The following NTN4 variants were observed in gnomAD, a reference collection of about 807,000 sequenced individuals.
NTN4 encodes netrin 4.
In NTN4, 32 loss-of-function variants were observed where a neutral mutation model predicts 73.6. That is an observed-to-expected ratio of 0.44 (90% CI 0.33 to 0.58). The LOEUF is 0.58. Among genes scored for constraint, NTN4 ranks in the 20% least tolerant of loss-of-function variants. The probability of loss-of-function intolerance (pLI) is 0.04; values close to 1 mark genes in which losing one functional copy is unlikely to be tolerated. For synonymous variants in NTN4, 258 were observed against 287.5 expected (o/e 0.90, Z 1.04); for missense variants, 654 against 798.3 (o/e 0.82, Z 2.18).
At chr12:95,733,190 T>A (rs76318579) in intron 3 of NTN4, among the ~76,000 whole-genome samples, 4,092 of 152,322 alleles carry the variant, frequency 0.027, 95 homozygotes, top group South Asian at 0.12. Context: ...TTACCATTCA[T>A]CACCCAACAG....
At chr12:95,729,194 G>C (rs2078717465) in intron 3 of NTN4, among the ~76,000 whole-genome samples, 1 of 151,476 alleles carries the variant, frequency 6.6e-6, no homozygotes, top group Admixed American at 6.6e-5. Flanking sequence ...TGTATGAAGT[G>C]CATAATGTTT....
intron 2 of NTN4, among the ~76,000 whole-genome samples, chr12:95,748,328 A>C (rs2078877575): frequency 6.6e-6 from 1 of 151,894 alleles, no homozygotes. Context: ...GCATTGAAAA[A>C]GTATTAAATA....
chr12:95,730,879 C>A (rs2078732258), intron 3 of NTN4, among the ~76,000 whole-genome samples: 1 of 152,118 alleles, frequency 6.6e-6, no homozygotes, highest in Non-Finnish European at 1.5e-5. Context: ...ACCTATTCCT[C>A]CAGATCCTAA....
chr12:95,733,490 T>G lies in NTN4; in HGVS notation c.864+4376A>C, dbSNP rs113804266. On this transcript the variant is annotated intron_variant, in intron 3 of 9. Coordinates refer to ENST00000343702, the MANE Select transcript of NTN4 (RefSeq NM_021229.4). ...AGCAATGTAAGTAGTGTCTACCATA[T>G]CCCGGGCACAGAGCATCAGACTTTT... Among the ~76,000 whole-genome samples the G allele has an allele frequency of 3.5e-3, 533 of 152,292 alleles. 5 individuals carry two copies. The highest frequency in any genetic ancestry group is 0.012 in the African/African-American group (485 of 41,556).
intron 9 of NTN4, 67 bp from the exon 10 acceptor site, chr12:95,659,289 G>A: frequency 7.8e-7 from 1 of 1,274,142 alleles, no homozygotes. Context: ...TGTGACTCCA[G>A]CAGGTTTTCT....
At chr12:95,730,820 A>G (rs1357789837) in intron 3 of NTN4, among the ~76,000 whole-genome samples, 3 of 152,192 alleles carry the variant, frequency 2.0e-5, no homozygotes, top group Non-Finnish European at 4.4e-5. Context: ...GGCAAGCTTT[A>G]CATTTTGTTA....
chr12:95,748,667 T>C (rs7307467), intron 2 of NTN4, among the ~76,000 whole-genome samples: 130,650 of 151,956 alleles, frequency 0.86, 56,205 homozygotes, highest in South Asian at 0.92. Flanking sequence ...GCTGGGGTTT[T>C]ACCATGTTGG....
intron 3 of NTN4, among the ~76,000 whole-genome samples, chr12:95,724,056 T>G (rs2078671786): frequency 6.6e-6 from 1 of 152,222 alleles, no homozygotes; most frequent in Non-Finnish European, 1.5e-5. Context: ...CTTGAGGATT[T>G]ACTTCTAAAA....
chr12:95,697,709 T>C (rs1012711398), intron 5 of NTN4, among the ~76,000 whole-genome samples: 1 of 152,152 alleles, frequency 6.6e-6, no homozygotes. Flanking sequence ...ATTTCTTCCT[T>C]TGGGTTTTGA....
intron 2 of NTN4, among the ~76,000 whole-genome samples, chr12:95,748,343 A>G: frequency 6.6e-6 from 1 of 152,024 alleles, no homozygotes; most frequent in East Asian, 1.9e-4. Context: ...TAAATATTTG[A>G]ATATTTTCAG....
At chr12:95,705,673 C>T (rs2468359) in intron 5 of NTN4, among the ~76,000 whole-genome samples, 47,298 of 152,042 alleles carry the variant, frequency 0.31, 8,723 homozygotes, top group East Asian at 0.56. Context: ...TGCTGACTGC[C>T]CCTCTGATGT....
intron 2 of NTN4, among the ~76,000 whole-genome samples, chr12:95,782,947 C>T (rs142949380): frequency 9.1e-4 from 138 of 152,266 alleles, no homozygotes; most frequent in Middle Eastern, 3.4e-3. Flanking sequence ...GCATCTAAGA[C>T]GGTTTGCTAC....
intron 7 of NTN4, 109 bp downstream of exon 7, chr12:95,682,598 A>G: frequency 1.5e-6 from 1 of 649,454 alleles, no homozygotes; most frequent in Non-Finnish European, 2.7e-6. Context: ...AAACCCCAGA[A>G]CTAAAGAGTT....
chr12:95,759,862 T>G (rs1315226462), intron 2 of NTN4, among the ~76,000 whole-genome samples: 1 of 152,236 alleles, frequency 6.6e-6, no homozygotes, highest in Non-Finnish European at 1.5e-5. Flanking sequence ...CTTCCACATG[T>G]TCATGTTCTT....
chr12:95,760,155 G>C (rs1280549433), intron 2 of NTN4, among the ~76,000 whole-genome samples: 1 of 152,116 alleles, frequency 6.6e-6, no homozygotes, highest in Admixed American at 6.5e-5. Context: ...ATTTTTATTA[G>C]GGTGAACCCA....
intron 2 of NTN4, among the ~76,000 whole-genome samples, chr12:95,775,692 A>G (rs1436160423): frequency 6.6e-6 from 1 of 152,232 alleles, no homozygotes; most frequent in Non-Finnish European, 1.5e-5. Context: ...GGAAGCTTGA[A>G]CTGGGTGGAG....
chr12:95,697,982 G>C (rs921339638), intron 5 of NTN4, among the ~76,000 whole-genome samples: 2 of 152,088 alleles, frequency 1.3e-5, no homozygotes, highest in Non-Finnish European at 2.9e-5. Flanking sequence ...AAACACTACA[G>C]TATAACAACT....
Position 95,790,409 on chromosome 12 carries a change from G to A in NTN4, c.-100C>T. The A allele has an allele frequency of 9.4e-7, 1 of 1,064,428 alleles. No homozygotes were observed. Among genetic ancestry groups the A allele is most frequent in the Non-Finnish European group, 1.3e-6 (1 of 776,652 alleles). The allele number at this position is 1,064,428 out of a possible 1,614,324, so 65.9% of individuals were successfully genotyped here. ...GCGCCGCCGTCCTCGGGAGGGAACG[G>A]GGCCCTGGTTTCTTCCTCCTCCTGG... On this transcript the variant is annotated 5_prime_UTR_variant, in exon 1 of 10. Coordinates refer to ENST00000343702, the MANE Select transcript of NTN4 (RefSeq NM_021229.4). The surrounding 1 kb of genome is among the most constrained non-coding windows in gnomAD (Gnocchi z 6.5).
At chr12:95,740,962 C>A (rs980485888) in intron 2 of NTN4, among the ~76,000 whole-genome samples, 1 of 152,130 alleles carries the variant, frequency 6.6e-6, no homozygotes, top group Non-Finnish European at 1.5e-5. Context: ...TTTCAACAAG[C>A]CTTCCAGGTG....
Sources: gnomAD v4.1 joint callset for allele counts (sites outside exome capture counted in the v4.1 genomes callset) on GRCh38, gnomAD v4.1.1 for gene constraint, Gnocchi (gnomAD v3.1) non-coding constraint, MANE v1.5 for transcripts, NCBI Gene and HGNC (gene_info 2026-07-23, HGNC 2026-07-21) for gene names.